PCDH7: variants seen among roughly 807,000 people sequenced by gnomAD.
PCDH7 encodes protocadherin-7.
PCDH7 carries 17 observed loss-of-function variants against 58.9 expected under a neutral mutation model. The observed-to-expected ratio is 0.29, with a 90% CI of 0.20 to 0.43. PCDH7 has a LOEUF of 0.43. Among genes scored for constraint, PCDH7 ranks in the 20% least tolerant of loss-of-function variants. The pLI is 1.00. For missense variants in PCDH7, 1,274 were observed against 1,441.0 expected, an observed-to-expected ratio of 0.88 and a Z score of 1.88; for synonymous variants, 664 against 616.4, an observed-to-expected ratio of 1.08 and a Z score of -1.14.
chr4:30,805,186 G>A (rs1726026267), intron 1 of PCDH7, among the ~76,000 whole-genome samples: 1 of 152,108 alleles, frequency 6.6e-6, no homozygotes, highest in Non-Finnish European at 1.5e-5. Flanking sequence ...AGTGCCCCCA[G>A]GATTTTGTTT....
rs767687707 is a variant in PCDH7, at chr4:30,723,748, A to C, written c.2326A>C (p.Asn776His). ...GGCAACAGACAGTGATGATGGCATC[A>C]ATGCAGACCTGAACTACAGCATTGT... The change falls in exon 1 of 2, where the codon AAT (asparagine) becomes CAT (histidine). Residue 776 changes from asparagine (N) to histidine (H), a missense_variant. By Grantham distance (68) the Asn-to-His change is moderately conservative. Coordinates refer to ENST00000361762, the Ensembl canonical transcript of PCDH7. The surrounding 1 kb of genome is among the most constrained non-coding windows in gnomAD (Gnocchi z 4.6). 6.2e-7 allele frequency: 1 copy of C among 1,614,182 alleles called. No homozygotes were observed.
chr4:30,773,411 T>C (rs1721665279), intron 1 of PCDH7, among the ~76,000 whole-genome samples: 4 of 152,196 alleles, frequency 2.6e-5, no homozygotes. Flanking sequence ...CTGTATTTAG[T>C]GTCTGTTAGT....
intron 1 of PCDH7, among the ~76,000 whole-genome samples, chr4:30,887,900 G>C (rs1738041405): frequency 6.7e-6 from 1 of 150,374 alleles, no homozygotes; most frequent in South Asian, 2.1e-4. Context: ...TTTGGAGATG[G>C]TGTCTTGCTA....
chr4:30,966,047 C>G (rs1282437098), intron 3 of PCDH7, among the ~76,000 whole-genome samples: 1 of 152,122 alleles, frequency 6.6e-6, no homozygotes, highest in Non-Finnish European at 1.5e-5. Context: ...GTTAAACATG[C>G]TATGCTGTTT....
At chr4:30,953,174 G>T (rs1052087649) in intron 3 of PCDH7, among the ~76,000 whole-genome samples, 2 of 152,028 alleles carry the variant, frequency 1.3e-5, no homozygotes, top group Admixed American at 1.3e-4. Context: ...TCTAGAGGTT[G>T]CTCCTATTTT....
At chr4:30,897,677 G>A (rs1027874826) in intron 1 of PCDH7, among the ~76,000 whole-genome samples, 5 of 152,114 alleles carry the variant, frequency 3.3e-5, no homozygotes, top group African/African-American at 4.8e-5. Context: ...ATTATTGATG[G>A]TAGAGAGTAA....
intron 1 of PCDH7, among the ~76,000 whole-genome samples, chr4:30,887,939 T>C (rs1310690378): frequency 6.6e-6 from 1 of 151,642 alleles, no homozygotes; most frequent in Non-Finnish European, 1.5e-5. Context: ...GCAGTGGTGC[T>C]ATCTCTGCTC....
intron 3 of PCDH7, among the ~76,000 whole-genome samples, chr4:31,073,493 AC>A (rs2109256246): frequency 6.6e-6 from 1 of 152,310 alleles, no homozygotes; most frequent in Non-Finnish European, 1.5e-5. Context: ...TTCAAGGAAA[AC>A]AGAATAATTA....
At position 30,897,049 on chromosome 4, in the gene PCDH7, C is replaced by T. The variant is rs377566849; in HGVS notation, c.71-23104C>T. 4.6e-5 allele frequency among the ~76,000 whole-genome samples: 7 copies of T among 151,662 alleles called. No individual in the cohort carries two copies. The East Asian group carries it at 9.7e-4, about 21-fold the overall frequency. ...CCTCCCGCGTAGCTGGGACTACAGG[C>T]GCCCACCACCATGCTTGGCTAATTT... is the stretch of plus-strand genomic sequence containing the variant. On this transcript the variant is annotated intron_variant, in intron 1 of 3. Transcript: ENST00000509759.
At chr4:30,794,935 T>C (rs908484005) in intron 1 of PCDH7, among the ~76,000 whole-genome samples, 4 of 152,162 alleles carry the variant, frequency 2.6e-5, no homozygotes, top group African/African-American at 9.7e-5. Flanking sequence ...AGTTAAGTGA[T>C]AATGATTTGA....
At chr4:30,794,816 CA>C (rs2109301555) in intron 1 of PCDH7, among the ~76,000 whole-genome samples, 1 of 152,028 alleles carries the variant, frequency 6.6e-6, no homozygotes, top group South Asian at 2.1e-4. Flanking sequence ...ATCCAATAGA[CA>C]TTTTTGTTGA....
At chr4:30,724,449 C>T (rs759430898) in exon 1 of PCDH7, 1 of 1,614,034 alleles carries the variant, frequency 6.2e-7, no homozygotes, top group South Asian at 1.1e-5. Context: ...AGCTTCATCC[C>T]CAGTCACCAA....
chr4:31,073,623 A>G (rs549071822), intron 3 of PCDH7, among the ~76,000 whole-genome samples: 3 of 152,308 alleles, frequency 2.0e-5, no homozygotes, highest in Admixed American at 6.5e-5. Context: ...AGAAGCATAT[A>G]TGTCATATAT....
chr4:30,823,779 C>A (rs1180222055), intron 1 of PCDH7, among the ~76,000 whole-genome samples: 2 of 152,068 alleles, frequency 1.3e-5, no homozygotes, highest in South Asian at 4.1e-4. Flanking sequence ...TAGGATAGGG[C>A]TAACTCAGCA....
At chr4:30,884,228 G>T (rs948459314) in intron 1 of PCDH7, among the ~76,000 whole-genome samples, 2 of 152,072 alleles carry the variant, frequency 1.3e-5, no homozygotes, top group Non-Finnish European at 2.9e-5. Flanking sequence ...CAGCATCTAT[G>T]TGTGGTAGGC....
chr4:31,063,391 C>G (rs1169182086), intron 3 of PCDH7, among the ~76,000 whole-genome samples: 1 of 151,730 alleles, frequency 6.6e-6, no homozygotes, highest in Non-Finnish European at 1.5e-5. Context: ...ACTGAATCCA[C>G]AAAATATTTT....
At chr4:30,797,564 G>A (rs1393688136) in intron 1 of PCDH7, among the ~76,000 whole-genome samples, 1 of 152,102 alleles carries the variant, frequency 6.6e-6, no homozygotes. Flanking sequence ...TTGAGCCACC[G>A]TGCCCAGCCC....
At chr4:30,750,031 T>C (rs1718302312) in intron 1 of PCDH7, among the ~76,000 whole-genome samples, 1 of 152,182 alleles carries the variant, frequency 6.6e-6, no homozygotes, top group African/African-American at 2.4e-5. Context: ...TTATATCTAG[T>C]GGGTAGATGG....
Position 30,801,921 on chromosome 4 carries a change from C to T in PCDH7, c.70+77325C>T, listed in dbSNP as rs1426959304. Among the ~76,000 whole-genome samples, 2 of 152,138 alleles carry T rather than the reference C, an allele frequency of 1.3e-5. 1 individual carries two copies. The highest frequency in any genetic ancestry group is 1.3e-4 in the Admixed American group (2 of 15,280). On this transcript the variant is annotated intron_variant, in intron 1 of 3. Coordinates refer to the PCDH7 transcript ENST00000509759. ...CAGAGAGAGAATGCTGCTGAAATGT[C>T]CTGTTGGAGAAACTAGCCAACCTTT...
Sources: gnomAD v4.1 joint callset for allele counts (sites outside exome capture counted in the v4.1 genomes callset) on GRCh38, gnomAD v4.1.1 for gene constraint, Gnocchi (gnomAD v3.1) non-coding constraint, MANE v1.5 for transcripts, NCBI Gene and HGNC (gene_info 2026-07-23, HGNC 2026-07-21) for gene names.